Variants in ANKRD11 observed in about 807,000 individuals in gnomAD.
ANKRD11 encodes the protein ankyrin repeat domain 11, also known as ankyrin repeat domain-containing protein 11.
Under a neutral mutation model 195.7 loss-of-function variants are expected in ANKRD11, and 17 were observed. The observed-to-expected ratio is 0.09, with a 90% confidence interval of 0.06 to 0.13. The LOEUF (loss-of-function observed/expected upper bound fraction) is 0.13, where lower values mean the gene tolerates loss of function less well. Among genes scored for constraint, ANKRD11 ranks in the 10% least tolerant of loss-of-function variants. The pLI is 1.00. For synonymous variants in ANKRD11, 1,953 were observed against 1,528.1 expected (o/e 1.28, Z -6.49); for missense variants, 3,735 against 3,566.1 (o/e 1.05, Z -1.21).
intron 2 of ANKRD11, among the ~76,000 whole-genome samples, chr16:89,393,790 G>A (rs1597263562): frequency 6.6e-6 from 1 of 152,268 alleles, no homozygotes; most frequent in East Asian, 1.9e-4. Context: ...GCTCTGCATG[G>A]CATCTCGCAT....
At chr16:89,322,798 C>T (rs977201130) in intron 2 of ANKRD11, among the ~76,000 whole-genome samples, 10 of 152,262 alleles carry the variant, frequency 6.6e-5, no homozygotes, top group African/African-American at 1.9e-4. Flanking sequence ...GGCCTGCCTG[C>T]AGCACACGGC....
At chr16:89,277,832 T>C in intron 9 of ANKRD11, 1 of 154,004 alleles carries the variant, frequency 6.5e-6, no homozygotes, top group Non-Finnish European at 1.4e-5. Flanking sequence ...AGCCTCACCC[T>C]CAGGGCAAGC....
chr16:89,278,871 C>T (rs992375955), intron 9 of ANKRD11: 1 of 881,812 alleles, frequency 1.1e-6, no homozygotes, highest in Non-Finnish European at 1.8e-6. Context: ...GGAGGAAGGA[C>T]CTCGGGTCTG....
intron 2 of ANKRD11, among the ~76,000 whole-genome samples, chr16:89,318,837 C>T (rs2151925857): frequency 1.3e-5 from 2 of 152,348 alleles, no homozygotes; most frequent in South Asian, 4.1e-4. Flanking sequence ...CTGACACCTC[C>T]ACCCGCGGTG....
intron 2 of ANKRD11, among the ~76,000 whole-genome samples, chr16:89,363,622 C>G (rs571615272): frequency 6.7e-6 from 1 of 150,306 alleles, no homozygotes; most frequent in African/African-American, 2.5e-5. Flanking sequence ...TTCAAACGCA[C>G]TCTGTGTGCC....
chr16:89,457,753 A>G (rs1288497088), intron 1 of ANKRD11, among the ~76,000 whole-genome samples: 1 of 152,144 alleles, frequency 6.6e-6, no homozygotes, highest in Non-Finnish European at 1.5e-5. Flanking sequence ...GCTGGTGCTT[A>G]ATACCTGGGG....
intron 2 of ANKRD11, among the ~76,000 whole-genome samples, chr16:89,388,624 T>C (rs2041034242): frequency 6.6e-6 from 1 of 152,048 alleles, no homozygotes; most frequent in Non-Finnish European, 1.5e-5. Context: ...CCTGAGAAGA[T>C]GGGGCTGAAG....
chr16:89,414,358 C>G (rs1161068454), intron 2 of ANKRD11, among the ~76,000 whole-genome samples: 1 of 152,106 alleles, frequency 6.6e-6, no homozygotes, highest in Admixed American at 6.5e-5. Context: ...TTGCAAGGGT[C>G]AGCAGTCCGC....
intron 2 of ANKRD11, among the ~76,000 whole-genome samples, chr16:89,332,322 G>T (rs188568376): frequency 3.0e-4 from 45 of 152,286 alleles, no homozygotes; most frequent in African/African-American, 1.1e-3. Flanking sequence ...TCAGCTCCGT[G>T]AAGTCCTGGG....
At chr16:89,304,532 A>G (rs919485381) in intron 4 of ANKRD11, among the ~76,000 whole-genome samples, 3 of 150,524 alleles carry the variant, frequency 2.0e-5, no homozygotes, top group African/African-American at 7.4e-5. Flanking sequence ...AGGCACACAC[A>G]TGGGTACACA....
rs1023089135 is a variant in ANKRD11 at position 89,279,666 on chromosome 16, G to A, written c.6876C>T (p.Asp2292=). Residue 2292 remains aspartate, a synonymous_variant, in exon 9 of 13, where the codon GAC becomes GAT. Transcript: ENST00000301030. This position sits in a 1 kb window ranked among gnomAD's most constrained non-coding sequence, Gnocchi z 5.6. ...CGGCGGCACGGGAGGCCTCAGTGTCGTCCTCGGGGCCGGCACCGTCTGCGG... is the reference window on the plus strand; with the variant it reads ...CGGCGGCACGGGAGGCCTCAGTGTCATCCTCGGGGCCGGCACCGTCTGCGG... The part of the protein sequence containing the change: ...AQAADGAGPE[D]DTEASRAAAP... The A allele has an allele frequency of 2.3e-5, 33 of 1,456,970 alleles. No individual in the cohort carries two copies. The highest frequency in any genetic ancestry group is 2.8e-5 in the African/African-American group (2 of 70,706). The allele number at this position is 1,456,970 out of a possible 1,614,324, so 90.3% of individuals were successfully genotyped here.
At chr16:89,412,513 A>C (rs980292221) in intron 2 of ANKRD11, 1 of 152,324 alleles carries the variant, frequency 6.6e-6, no homozygotes, top group African/African-American at 2.4e-5. Context: ...GCAATGATGT[A>C]TTAAGACACG....
rs376577493 is a variant in ANKRD11, at chr16:89,409,736, G to T, written c.-60+8548C>A. On this transcript the variant is annotated intron_variant, in intron 2 of 12. Coordinates refer to ENST00000301030, the MANE Select transcript of ANKRD11 (RefSeq NM_013275.6). ...GAAGTTTAGAATACAGTATTACTAGGCCAAAATATCCTGGCATTTTATAGG... is the reference window on the plus strand; with the variant it reads ...GAAGTTTAGAATACAGTATTACTAGTCCAAAATATCCTGGCATTTTATAGG... 4.6e-5 allele frequency among the ~76,000 whole-genome samples: 7 copies of T among 152,232 alleles called. No homozygotes were observed. In the South Asian group the frequency reaches 1.2e-3, roughly 27 times the overall value.
intron 1 of ANKRD11, among the ~76,000 whole-genome samples, chr16:89,479,841 G>C (rs543455665): frequency 2.0e-5 from 3 of 151,574 alleles, no homozygotes; most frequent in East Asian, 3.9e-4. Context: ...CACTCGGGAG[G>C]CTGAGGCAGG....
rs1430017181 is a variant in ANKRD11, at chr16:89,295,876, ATGTGG to A, written c.227-4698_227-4694del. Among the ~76,000 whole-genome samples, 70 of 24,160 alleles carry A rather than the reference ATGTGG, an allele frequency of 2.9e-3. 2 individuals are homozygous for A. The highest frequency in any genetic ancestry group is 0.013 in the African/African-American group (67 of 5,178). 15.8% of individuals were successfully genotyped at this position (24,160 alleles called of 152,430 possible). ...GGGTGCTCTGTGCAGGTGGGATGTG[ATGTGG>A]GGGGCCTGCAACCTTCCTGGGGGTG... is the stretch of plus-strand genomic sequence containing the variant. On this transcript the variant is annotated intron_variant, in intron 4 of 12. Transcript: ENST00000301030.
At chr16:89,456,307 G>C (rs900945210) in intron 1 of ANKRD11, among the ~76,000 whole-genome samples, 1 of 151,834 alleles carries the variant, frequency 6.6e-6, no homozygotes, top group Non-Finnish European at 1.5e-5. Flanking sequence ...CCAGCACTTC[G>C]GGAGGGCAAG....
intron 2 of ANKRD11, among the ~76,000 whole-genome samples, chr16:89,364,069 C>A (rs2039846994): frequency 6.9e-6 from 1 of 145,046 alleles, no homozygotes; most frequent in Non-Finnish European, 1.5e-5. Context: ...TGATTTAAAA[C>A]ACACACACAC....
intron 2 of ANKRD11, among the ~76,000 whole-genome samples, chr16:89,416,883 G>A (rs2152228202): frequency 6.6e-6 from 1 of 152,184 alleles, no homozygotes; most frequent in South Asian, 2.1e-4. Context: ...GGGGTGTGGG[G>A]TGCTCCCTCA....
intron 2 of ANKRD11, among the ~76,000 whole-genome samples, chr16:89,348,515 A>G (rs1428633605): frequency 7.2e-5 from 11 of 152,198 alleles, no homozygotes; most frequent in African/African-American, 2.2e-4. Flanking sequence ...GCTTCTATAT[A>G]ACTGACTTTC....
Sources: allele counts gnomAD v4.1 joint callset (sites outside exome capture counted in the v4.1 genomes callset), GRCh38; gene constraint gnomAD v4.1.1; non-coding constraint Gnocchi (gnomAD v3.1); transcripts MANE v1.5; gene names NCBI Gene and HGNC (gene_info 2026-07-23, HGNC 2026-07-21).